TRIM9: variants seen among roughly 807,000 people sequenced by gnomAD.
The protein encoded by TRIM9 is E3 ubiquitin-protein ligase TRIM9.
TRIM9 carries 26 observed loss-of-function variants against 78.3 expected under a neutral mutation model. That is an observed-to-expected ratio of 0.33 (90% CI 0.24 to 0.46). The LOEUF (loss-of-function observed/expected upper bound fraction) is 0.46. Ranked by LOEUF, TRIM9 falls within the 20% of genes least tolerant of loss-of-function variation. The probability of loss-of-function intolerance (pLI) is 1.00; values close to 1 mark genes in which losing one functional copy is unlikely to be tolerated. For synonymous variants in TRIM9, 398 were observed against 416.5 expected, an observed-to-expected ratio of 0.96 and a Z score of 0.54; for missense variants, 787 against 1,036.4, an observed-to-expected ratio of 0.76 and a Z score of 3.30.
At chr14:51,065,665 C>T (rs1355690021) in intron 1 of TRIM9, among the ~76,000 whole-genome samples, 1 of 152,096 alleles carries the variant, frequency 6.6e-6, no homozygotes, top group Non-Finnish European at 1.5e-5. Flanking sequence ...ACCAAAGTGG[C>T]CATAGAGGCC....
intron 1 of TRIM9, among the ~76,000 whole-genome samples, chr14:51,032,063 CAA>C (rs2058777099): frequency 6.6e-6 from 1 of 152,170 alleles, no homozygotes; most frequent in Non-Finnish European, 1.5e-5. Flanking sequence ...ATATTCACAC[CAA>C]AAGCTAATGC....
At chr14:51,009,517 A>G (rs544198517) in intron 4 of TRIM9, among the ~76,000 whole-genome samples, 74 of 152,352 alleles carry the variant, frequency 4.9e-4, no homozygotes, top group African/African-American at 1.6e-3. Context: ...TATTTATGAC[A>G]GATTTACTAA....
At chr14:51,013,579 G>T (rs986899185) in intron 3 of TRIM9, among the ~76,000 whole-genome samples, 1 of 152,116 alleles carries the variant, frequency 6.6e-6, no homozygotes, top group Non-Finnish European at 1.5e-5. Context: ...AAAATAAAAT[G>T]TAGGATTTAA....
chr14:51,084,223 T>C (rs2063559568), intron 1 of TRIM9, among the ~76,000 whole-genome samples: 1 of 152,314 alleles, frequency 6.6e-6, no homozygotes, highest in African/African-American at 2.4e-5. Flanking sequence ...ATCCATGTCC[T>C]AGTTCAGGTG....
intron 7 of TRIM9, among the ~76,000 whole-genome samples, chr14:50,992,414 C>CG (rs199777158): frequency 7.7e-6 from 1 of 130,538 alleles, no homozygotes. Flanking sequence ...CCTGTCTCTA[C>CG]GGAAAAAAAA....
At chr14:50,986,505 C>T (rs2052733134) in intron 7 of TRIM9, 1 of 161,520 alleles carries the variant, frequency 6.2e-6, no homozygotes, top group Non-Finnish European at 1.3e-5. Context: ...TTATTTTACC[C>T]CCTTCAGTTG....
Position 50,986,292 on chromosome 14 carries a change from G to C in TRIM9, c.1604-148C>G, listed in dbSNP as rs1045396063. 6 of 626,174 alleles carry C rather than the reference G, an allele frequency of 9.6e-6. No homozygotes were observed. The African/African-American group carries it at 1.1e-4, about 12-fold the overall frequency. 38.8% of individuals were successfully genotyped at this position (626,174 alleles called of 1,614,324 possible). A position where few individuals can be genotyped will look rare whatever the true frequency, so the allele number is the denominator to read the frequency against. ...ACACTCAGGCATTTACAAAACCAAT[G>C]TGCCTGGGGGCAGGGAGGGAATTTT... is the stretch of plus-strand genomic sequence containing the variant. On this transcript the variant is annotated intron_variant, in intron 7 of 12. Transcript: ENST00000684578.
intron 5 of TRIM9, among the ~76,000 whole-genome samples, chr14:51,007,529 C>G (rs2055973229): frequency 6.6e-6 from 1 of 152,154 alleles, no homozygotes; most frequent in African/African-American, 2.4e-5. Flanking sequence ...TAGCCATGCT[C>G]CCTGACTTTG....
intron 6 of TRIM9, 75 bp from the exon 7 acceptor site, chr14:50,998,263 T>G: frequency 7.0e-7 from 1 of 1,433,760 alleles, no homozygotes; most frequent in Admixed American, 1.8e-5. Context: ...TGTCGCTCAG[T>G]GGTTAGGAGC....
chr14:50,978,370 G>A (rs995828215), intron 12 of TRIM9, among the ~76,000 whole-genome samples: 9 of 152,090 alleles, frequency 5.9e-5, no homozygotes, highest in African/African-American at 1.4e-4. Flanking sequence ...TCCTGACAGC[G>A]GCTGGCAGGG....
chr14:51,041,843 A>G (rs2059601703), intron 1 of TRIM9, among the ~76,000 whole-genome samples: 1 of 152,228 alleles, frequency 6.6e-6, no homozygotes, highest in Admixed American at 6.5e-5. Context: ...TGTTTTCCCA[A>G]TAACATTTAT....
chr14:51,070,603 A>T (rs367781796), intron 1 of TRIM9, among the ~76,000 whole-genome samples: 1 of 152,036 alleles, frequency 6.6e-6, no homozygotes, highest in Non-Finnish European at 1.5e-5. Context: ...AAATGCTTCA[A>T]TGAGCATTAT....
Position 51,047,942 on chromosome 14 carries a change from A to G in TRIM9, c.823-22582T>C, listed in dbSNP as rs75563387. ...ACCACTGCACTCCAACCTGGGCGAT[A>G]CTGTGAGACCCTGTCTCAAAAAAAA... On this transcript the variant is annotated intron_variant, in intron 1 of 12. Transcript: ENST00000684578. Among the ~76,000 whole-genome samples, 592 of 143,320 alleles carry G rather than the reference A, an allele frequency of 4.1e-3. 35 individuals carry two copies. In the East Asian group the frequency reaches 0.1, roughly 25 times the overall value. 94.0% of individuals were successfully genotyped at this position (143,320 alleles called of 152,430 possible).
At chr14:51,056,165 A>C (rs2060885339) in intron 1 of TRIM9, among the ~76,000 whole-genome samples, 1 of 152,274 alleles carries the variant, frequency 6.6e-6, no homozygotes, top group Non-Finnish European at 1.5e-5. Flanking sequence ...ATCTTTGATA[A>C]GAAATTACAA....
At chr14:51,077,646 G>A (rs150965553) in intron 1 of TRIM9, among the ~76,000 whole-genome samples, 1,664 of 152,022 alleles carry the variant, frequency 0.011, 24 homozygotes, top group African/African-American at 0.038. Context: ...TGCCTGCCTC[G>A]GCCTCCCAAA....
chr14:51,011,969 C>T (rs1284848621), intron 3 of TRIM9, among the ~76,000 whole-genome samples: 1 of 152,130 alleles, frequency 6.6e-6, no homozygotes, highest in Admixed American at 6.6e-5. Context: ...TTAATCATTC[C>T]TGTTCTCTTA....
chr14:51,030,585 T>C (rs568425231), intron 1 of TRIM9, among the ~76,000 whole-genome samples: 1 of 150,284 alleles, frequency 6.7e-6, no homozygotes, highest in South Asian at 2.1e-4. Context: ...AGTGTGCATA[T>C]GGTGTGTGTG....
intron 5 of TRIM9, among the ~76,000 whole-genome samples, chr14:51,005,945 T>G (rs995501996): frequency 2.0e-5 from 3 of 152,202 alleles, no homozygotes; most frequent in Admixed American, 6.5e-5. Flanking sequence ...AGTGCATTCT[T>G]GCTGAATAGC....
rs917378234 is a variant in TRIM9 at position 50,975,858 on chromosome 14, A to G, written c.*1433T>C. 1 of 152,640 alleles carries G rather than the reference A, an allele frequency of 6.6e-6. No homozygotes were observed. The highest frequency in any genetic ancestry group is 6.5e-5 in the Admixed American group (1 of 15,278). The allele number at this position is 152,640 out of a possible 1,614,324, so 9.5% of individuals were successfully genotyped here. A position where few individuals can be genotyped will look rare whatever the true frequency, so the allele number is the denominator to read the frequency against. On this transcript the variant is annotated 3_prime_UTR_variant, in exon 13 of 13. Coordinates refer to ENST00000684578, the MANE Select transcript of TRIM9 (RefSeq NM_001387360.1). ...GGGTAACCTATGTAAGTCTATCTCT[A>G]TATAGAAGTAAGATGCATTATTATT... is the stretch of plus-strand genomic sequence containing the variant.
Sources: gnomAD v4.1 joint callset for allele counts (sites outside exome capture counted in the v4.1 genomes callset) on GRCh38, gnomAD v4.1.1 for gene constraint, MANE v1.5 for transcripts, NCBI Gene and HGNC (gene_info 2026-07-23, HGNC 2026-07-21) for gene names.